EDIL3: variants seen among roughly 807,000 people sequenced by gnomAD.
EDIL3 encodes the protein EGF like and discoidin domains 3.
A neutral mutation model predicts 67.4 loss-of-function variants in EDIL3; 37 were observed. That is an observed-to-expected ratio of 0.55 (90% CI 0.42 to 0.72). The LOEUF is 0.72. EDIL3 is among the 30% of genes least tolerant of loss of function. EDIL3 has a pLI of 0.00. For synonymous variants in EDIL3, 195 were observed against 196.3 expected, an observed-to-expected ratio of 0.99 and a Z score of 0.05; for missense variants, 527 against 586.3, an observed-to-expected ratio of 0.90 and a Z score of 1.04.
intron 9 of EDIL3, among the ~76,000 whole-genome samples, chr5:83,991,869 A>T (rs1718948782): frequency 6.6e-6 from 1 of 152,138 alleles, no homozygotes; most frequent in South Asian, 2.1e-4. Context: ...GAATGTGAAT[A>T]TACTCAGATC....
intron 4 of EDIL3, among the ~76,000 whole-genome samples, chr5:84,142,625 C>A (rs1748219196): frequency 1.3e-5 from 2 of 152,022 alleles, no homozygotes; most frequent in African/African-American, 4.8e-5. Flanking sequence ...TGGACCAGGA[C>A]ATCTAATCCT....
intron 1 of EDIL3, among the ~76,000 whole-genome samples, chr5:84,274,626 T>C (rs1207733335): frequency 1.3e-5 from 2 of 152,140 alleles, no homozygotes; most frequent in Non-Finnish European, 2.9e-5. Flanking sequence ...TGTGGAATAA[T>C]TTTTTTAATG....
Position 83,943,048 on chromosome 5 carries a change from A to G in EDIL3, c.*371T>C. The G allele has an allele frequency of 1.4e-5, 3 of 218,024 alleles. No individual in the cohort carries two copies. The South Asian group carries it at 1.8e-4, about 13-fold the overall frequency. 13.5% of individuals were successfully genotyped at this position (218,024 alleles called of 1,614,324 possible). A position where few individuals can be genotyped will look rare whatever the true frequency, so the allele number is the denominator to read the frequency against. On this transcript the variant is annotated 3_prime_UTR_variant, in exon 11 of 11. Transcript: ENST00000296591. ...GAATTAGGTGAGTATTGATTGTAAAAGCTCTATCAACTCTTGCTCTTATTT... is the reference window on the plus strand; with the variant it reads ...GAATTAGGTGAGTATTGATTGTAAAGGCTCTATCAACTCTTGCTCTTATTT...
At chr5:84,284,380 C>G (rs1220451704) in intron 1 of EDIL3, among the ~76,000 whole-genome samples, 1 of 152,044 alleles carries the variant, frequency 6.6e-6, no homozygotes, top group Non-Finnish European at 1.5e-5. Flanking sequence ...GACATTTCTC[C>G]TACGGCATGG....
intron 4 of EDIL3, among the ~76,000 whole-genome samples, chr5:84,145,486 G>C (rs164438): frequency 0.35 from 53,823 of 151,832 alleles, 10,395 homozygotes; most frequent in East Asian, 0.74. Flanking sequence ...AGTTAATAGA[G>C]AACTCAAGAA....
chr5:83,988,870 C>T (rs1260407281), intron 9 of EDIL3, among the ~76,000 whole-genome samples: 7 of 151,952 alleles, frequency 4.6e-5, no homozygotes, highest in Admixed American at 1.3e-4. Flanking sequence ...AGTAATAAGC[C>T]GTTATATAAT....
chr5:83,985,986 C>T (rs1005348194), intron 9 of EDIL3, among the ~76,000 whole-genome samples: 3 of 151,710 alleles, frequency 2.0e-5, no homozygotes, highest in East Asian at 1.9e-4. Flanking sequence ...TTTCCTATTA[C>T]GAAGTACAGG....
intron 4 of EDIL3, among the ~76,000 whole-genome samples, chr5:84,172,505 A>G (rs1353344745): frequency 1.3e-5 from 2 of 152,024 alleles, no homozygotes; most frequent in Non-Finnish European, 2.9e-5. Context: ...ATTTGAGCCC[A>G]GGAGATGAAG....
At chr5:84,313,481 A>C (rs1420209623) in intron 1 of EDIL3, among the ~76,000 whole-genome samples, 1 of 152,246 alleles carries the variant, frequency 6.6e-6, no homozygotes, top group East Asian at 1.9e-4. Flanking sequence ...AATGGAGAAC[A>C]TGGATAGAAT....
chr5:83,998,580 T>G (rs1745273961), intron 9 of EDIL3, among the ~76,000 whole-genome samples: 1 of 152,172 alleles, frequency 6.6e-6, no homozygotes, highest in Non-Finnish European at 1.5e-5. Flanking sequence ...AAGCACTTTG[T>G]CTTGCAATGT....
intron 6 of EDIL3, among the ~76,000 whole-genome samples, chr5:84,067,167 AT>A (rs1304116975): frequency 6.6e-6 from 1 of 152,158 alleles, no homozygotes; most frequent in Non-Finnish European, 1.5e-5. Context: ...TCTGTGGAGC[AT>A]TTTTTAAAAA....
intron 1 of EDIL3, among the ~76,000 whole-genome samples, chr5:84,371,340 T>TATATATATATATATATAA: frequency 7.0e-6 from 1 of 142,814 alleles, no homozygotes; most frequent in Non-Finnish European, 1.5e-5. Context: ...TATATATATA[T>TATATATATATATATATAA]ATGTGTGTGT....
intron 4 of EDIL3, among the ~76,000 whole-genome samples, chr5:84,175,409 C>G (rs1404513905): frequency 6.6e-6 from 1 of 152,110 alleles, no homozygotes; most frequent in African/African-American, 2.4e-5. Flanking sequence ...CCATAGCAAT[C>G]CCCATTATAT....
At chr5:84,382,650 A>G (rs907490402) in intron 1 of EDIL3, among the ~76,000 whole-genome samples, 1 of 152,144 alleles carries the variant, frequency 6.6e-6, no homozygotes, top group African/African-American at 2.4e-5. Flanking sequence ...CAAAGTGCAG[A>G]GGAAATCCAG....
intron 1 of EDIL3, among the ~76,000 whole-genome samples, chr5:84,372,121 C>T (rs1025132092): frequency 1.3e-5 from 2 of 152,046 alleles, no homozygotes; most frequent in African/African-American, 4.8e-5. Flanking sequence ...GAAGCACATC[C>T]TTGGAATTCT....
chr5:84,283,008 A>G (rs1245242164), intron 1 of EDIL3, among the ~76,000 whole-genome samples: 1 of 152,172 alleles, frequency 6.6e-6, no homozygotes, highest in African/African-American at 2.4e-5. Flanking sequence ...CGTAGGAAAT[A>G]TAAAAGGGTA....
chr5:83,988,783 C>CT (rs1344766803), intron 9 of EDIL3, among the ~76,000 whole-genome samples: 5 of 151,970 alleles, frequency 3.3e-5, no homozygotes, highest in Admixed American at 3.3e-4. Context: ...ATGTTTGTTC[C>CT]TAAAGAGCAA....
At chr5:84,014,543 G>A (rs1745567107) in intron 9 of EDIL3, among the ~76,000 whole-genome samples, 1 of 152,102 alleles carries the variant, frequency 6.6e-6, no homozygotes. Context: ...TACTTGGGAG[G>A]CTGAGGCAGA....
chr5:84,114,025 T>G (rs1426787656), intron 5 of EDIL3, among the ~76,000 whole-genome samples: 2 of 152,178 alleles, frequency 1.3e-5, no homozygotes, highest in Non-Finnish European at 2.9e-5. Flanking sequence ...ACAACAGCCT[T>G]TCTTTTATTC....
Sources: allele counts gnomAD v4.1 joint callset (sites outside exome capture counted in the v4.1 genomes callset), GRCh38; gene constraint gnomAD v4.1.1; transcripts MANE v1.5; gene names NCBI Gene and HGNC (gene_info 2026-07-23, HGNC 2026-07-21).